The following ENOX1 variants were observed in gnomAD, a reference collection of about 807,000 sequenced individuals.
The protein encoded by ENOX1 is candidate growth-related and time keeping constitutive hydroquinone (NADH) oxidase.
Under a neutral mutation model 82.5 loss-of-function variants are expected in ENOX1, and 42 were observed. That is an observed-to-expected ratio of 0.51 (90% confidence interval 0.40 to 0.66). ENOX1 has a LOEUF of 0.66. Among genes scored for constraint, ENOX1 ranks in the 30% least tolerant of loss-of-function variants. The pLI is 0.00. For missense variants in ENOX1, 608 were observed against 811.6 expected, an observed-to-expected ratio of 0.75 and a Z score of 3.05; for synonymous variants, 271 against 282.2, an observed-to-expected ratio of 0.96 and a Z score of 0.40.
intron 3 of ENOX1, among the ~76,000 whole-genome samples, chr13:43,420,679 A>C (rs1001989885): frequency 2.1e-4 from 32 of 152,212 alleles, no homozygotes; most frequent in African/African-American, 7.7e-4. Flanking sequence ...TGACTTAAGC[A>C]GAATTTCAGG....
chr13:43,252,514 T>A (rs893798528), intron 14 of ENOX1, among the ~76,000 whole-genome samples: 7 of 152,226 alleles, frequency 4.6e-5, no homozygotes, highest in Admixed American at 1.3e-4. Flanking sequence ...ACTCTTGCTG[T>A]CTTTCGATAA....
intron 2 of ENOX1, among the ~76,000 whole-genome samples, chr13:43,541,958 G>A (rs1240255565): frequency 2.6e-5 from 4 of 151,842 alleles, no homozygotes; most frequent in East Asian, 1.9e-4. Flanking sequence ...GAATCCCTCC[G>A]AAAAAAAGAG....
At chr13:43,674,513 A>T (rs1017972000) in intron 1 of ENOX1, among the ~76,000 whole-genome samples, 2 of 152,112 alleles carry the variant, frequency 1.3e-5, no homozygotes, top group Non-Finnish European at 1.5e-5. Flanking sequence ...TTCCAACTAC[A>T]TGACATTGAG....
chr13:43,773,396 C>CAGATTT (rs1951751996), intron 1 of ENOX1, among the ~76,000 whole-genome samples: 2 of 152,206 alleles, frequency 1.3e-5, no homozygotes, highest in Non-Finnish European at 2.9e-5. Flanking sequence ...ACTTCAGTGG[C>CAGATTT]TCTCCACTGC....
At chr13:43,623,775 G>T (rs2082850083) in intron 2 of ENOX1, among the ~76,000 whole-genome samples, 2 of 152,076 alleles carry the variant, frequency 1.3e-5, no homozygotes, top group South Asian at 4.1e-4. Flanking sequence ...CCTTTTCATT[G>T]TTGAACACTA....
intron 15 of ENOX1, among the ~76,000 whole-genome samples, chr13:43,231,793 G>A (rs1282163405): frequency 6.6e-6 from 1 of 152,196 alleles, no homozygotes; most frequent in Non-Finnish European, 1.5e-5. Flanking sequence ...AACTTCTTGA[G>A]GGGAGATCAT....
chr13:43,603,760 G>T (rs2081851811), intron 2 of ENOX1, among the ~76,000 whole-genome samples: 1 of 117,572 alleles, frequency 8.5e-6, no homozygotes. Context: ...GTGTATATGT[G>T]CCACATTTTC....
At chr13:43,465,000 G>C (rs981172543) in intron 3 of ENOX1, among the ~76,000 whole-genome samples, 1 of 152,140 alleles carries the variant, frequency 6.6e-6, no homozygotes, top group Non-Finnish European at 1.5e-5. Flanking sequence ...GAATATCACC[G>C]AGGTAAGGTA....
At chr13:43,400,439 T>C (rs550751448) in intron 5 of ENOX1, among the ~76,000 whole-genome samples, 25 of 152,320 alleles carry the variant, frequency 1.6e-4, no homozygotes, top group African/African-American at 6.0e-4. Context: ...TCCATCTCAT[T>C]TGTGTTAAAC....
intron 2 of ENOX1, among the ~76,000 whole-genome samples, chr13:43,552,879 AG>A (rs907111462): frequency 4.7e-4 from 71 of 152,346 alleles, no homozygotes; most frequent in African/African-American, 1.7e-3. Context: ...ATACAGCCCT[AG>A]GAGAATTAGG....
intron 2 of ENOX1, among the ~76,000 whole-genome samples, chr13:43,550,386 C>T (rs1488996480): frequency 6.6e-6 from 1 of 152,192 alleles, no homozygotes; most frequent in Non-Finnish European, 1.5e-5. Flanking sequence ...CGGTGTCTTC[C>T]TCCAGTGTCC....
intron 2 of ENOX1, among the ~76,000 whole-genome samples, chr13:43,551,585 G>A (rs2079197297): frequency 6.6e-6 from 1 of 152,128 alleles, no homozygotes; most frequent in African/African-American, 2.4e-5. Flanking sequence ...AGTCAAATCT[G>A]ATAGTCATGG....
intron 3 of ENOX1, among the ~76,000 whole-genome samples, chr13:43,417,974 C>T (rs568684746): frequency 3.3e-5 from 5 of 150,718 alleles, no homozygotes; most frequent in South Asian, 2.1e-4. Context: ...TTTGGGAGGC[C>T]GAGGCGGGTG....
intron 2 of ENOX1, among the ~76,000 whole-genome samples, chr13:43,516,948 C>T (rs534404479): frequency 7.2e-5 from 11 of 152,238 alleles, no homozygotes; most frequent in Non-Finnish European, 1.5e-4. Flanking sequence ...TTTTCTGTCA[C>T]ATCAAAGAAT....
intron 11 of ENOX1, among the ~76,000 whole-genome samples, chr13:43,306,225 C>T (rs559472414): frequency 1.4e-4 from 22 of 152,258 alleles, no homozygotes; most frequent in Middle Eastern, 3.4e-3. Context: ...CCAAAAGATT[C>T]GGCGATCTCC....
chr13:43,549,212 A>G (rs1283845327), intron 2 of ENOX1, among the ~76,000 whole-genome samples: 2 of 152,238 alleles, frequency 1.3e-5, no homozygotes, highest in Admixed American at 1.3e-4. Flanking sequence ...GAGTGTATCA[A>G]TCAGTCCACT....
intron 5 of ENOX1, among the ~76,000 whole-genome samples, chr13:43,397,851 C>A (rs2053247160): frequency 6.6e-6 from 1 of 152,182 alleles, no homozygotes. Context: ...GTAACAAATA[C>A]TACAGACTAG....
chr13:43,317,946 A>C (rs2047605287), intron 11 of ENOX1, among the ~76,000 whole-genome samples: 1 of 152,010 alleles, frequency 6.6e-6, no homozygotes, highest in Non-Finnish European at 1.5e-5. Context: ...CAGAGCTCGC[A>C]GTGAGCCAAG....
intron 1 of ENOX1, among the ~76,000 whole-genome samples, chr13:43,737,579 C>T (rs1035928024): frequency 3.3e-5 from 5 of 152,104 alleles, no homozygotes; most frequent in Admixed American, 6.6e-5. Context: ...CCAAGGACAC[C>T]GCCCATTTAC....
Sources: gnomAD v4.1 joint callset for allele counts (sites outside exome capture counted in the v4.1 genomes callset) on GRCh38, gnomAD v4.1.1 for gene constraint, MANE v1.5 for transcripts, NCBI Gene and HGNC (gene_info 2026-07-23, HGNC 2026-07-21) for gene names.